The following NBAS variants were observed in gnomAD, a reference collection of about 807,000 sequenced individuals.
NBAS encodes the protein NBAS subunit of NRZ tethering complex.
Under a neutral mutation model 302.5 loss-of-function variants are expected in NBAS, and 219 were observed. The ratio of observed to expected loss-of-function variants is 0.72; its 90% CI spans 0.65 to 0.81. The LOEUF (loss-of-function observed/expected upper bound fraction) is 0.81, where lower values mean the gene tolerates loss of function less well. NBAS is among the 30% of genes least tolerant of loss of function. The pLI is 0.00. For synonymous variants in NBAS, 1,118 were observed against 1,021.6 expected (o/e 1.09, Z -1.80); for missense variants, 2,932 against 2,841.6 (o/e 1.03, Z -0.72).
At chr2:15,327,707 C>T (rs1329369070) in intron 38 of NBAS, 43 bp downstream of exon 38, 1 of 1,611,940 alleles carries the variant, frequency 6.2e-7, no homozygotes, top group South Asian at 1.1e-5. Context: ...CAATGTTCAC[C>T]TAGAGTTACA....
chr2:15,478,810 T>A (rs1450812826), intron 12 of NBAS, among the ~76,000 whole-genome samples: 1 of 152,186 alleles, frequency 6.6e-6, no homozygotes, highest in Non-Finnish European at 1.5e-5. Context: ...ATTCATACTG[T>A]AATCTTAGGG....
intron 48 of NBAS, among the ~76,000 whole-genome samples, chr2:15,193,002 T>C (rs568353704): frequency 6.6e-6 from 1 of 152,300 alleles, no homozygotes; most frequent in African/African-American, 2.4e-5. Flanking sequence ...AAATAAACTA[T>C]ATCATAAGGG....
chr2:15,449,591 C>T (rs75972988), intron 21 of NBAS, among the ~76,000 whole-genome samples: 4 of 151,684 alleles, frequency 2.6e-5, no homozygotes, highest in Admixed American at 1.3e-4. Flanking sequence ...GCCCTGAACC[C>T]TTTTTTTTCT....
the NBAS span, among the ~76,000 whole-genome samples, chr2:14,783,627 A>G: frequency 1.3e-5 from 2 of 151,622 alleles, no homozygotes; most frequent in Non-Finnish European, 2.9e-5. Flanking sequence ...AATTTCATCC[A>G]TGTCCCTACA....
the NBAS span, among the ~76,000 whole-genome samples, chr2:14,978,287 T>G: frequency 3.3e-5 from 5 of 152,330 alleles, no homozygotes; most frequent in South Asian, 1.0e-3. Context: ...TAGTATCATA[T>G]TACTTGCATT....
chr2:15,145,385 G>C, the NBAS span, among the ~76,000 whole-genome samples: 1 of 130,942 alleles, frequency 7.6e-6, no homozygotes. Flanking sequence ...GCATTGAGAT[G>C]TATGTGTTTG....
chr2:15,262,746 A>C (rs1668906797), intron 44 of NBAS, among the ~76,000 whole-genome samples: 1 of 152,168 alleles, frequency 6.6e-6, no homozygotes, highest in South Asian at 2.1e-4. Context: ...TGTTCTCCTC[A>C]TGAGAATTTT....
the NBAS span, among the ~76,000 whole-genome samples, chr2:14,959,876 ATT>A: frequency 6.6e-6 from 1 of 152,160 alleles, no homozygotes; most frequent in Non-Finnish European, 1.5e-5. Context: ...ATCAAAACAT[ATT>A]TTTTCCACAC....
chr2:15,424,062 G>A (rs1332008922), intron 23 of NBAS, among the ~76,000 whole-genome samples: 1 of 152,072 alleles, frequency 6.6e-6, no homozygotes, highest in African/African-American at 2.4e-5. Flanking sequence ...TAGAAAACAA[G>A]GGACAGTATG....
chr2:15,198,797 G>A (rs1335406653), intron 48 of NBAS, among the ~76,000 whole-genome samples: 1 of 152,192 alleles, frequency 6.6e-6, no homozygotes, highest in African/African-American at 2.4e-5. Flanking sequence ...TTGGCCCAAT[G>A]TATGTGCATA....
chr2:14,911,276 C>T, the NBAS span, among the ~76,000 whole-genome samples: 157 of 152,294 alleles, frequency 1.0e-3, 2 homozygotes, highest in Admixed American at 6.9e-3. Flanking sequence ...AGAAAATGTG[C>T]ATTTGTTTTT....
At chr2:15,297,161 G>A (rs146355595) in intron 40 of NBAS, among the ~76,000 whole-genome samples, 4 of 152,266 alleles carry the variant, frequency 2.6e-5, no homozygotes, top group African/African-American at 4.8e-5. Context: ...TCTGTTTTAC[G>A]GATGAATAAA....
At chr2:15,005,232 T>C in the NBAS span, among the ~76,000 whole-genome samples, 3 of 152,234 alleles carry the variant, frequency 2.0e-5, no homozygotes, top group African/African-American at 7.2e-5. Flanking sequence ...ACCTCTAGAA[T>C]GTATTCATCT....
chr2:15,469,430 G>A (rs569818900), intron 16 of NBAS, among the ~76,000 whole-genome samples: 10 of 152,150 alleles, frequency 6.6e-5, no homozygotes, highest in East Asian at 5.8e-4. Context: ...ACAGTGTGGC[G>A]ATTCCTCAAG....
At chr2:14,868,498 A>G in the NBAS span, among the ~76,000 whole-genome samples, 1 of 152,218 alleles carries the variant, frequency 6.6e-6, no homozygotes, top group Non-Finnish European at 1.5e-5. Flanking sequence ...TAACTGGTAC[A>G]TGGTATTACT....
chr2:15,558,121 A>G lies in NBAS; in HGVS notation c.172+459T>C, dbSNP rs1176881122. 5.3e-5 allele frequency among the ~76,000 whole-genome samples: 8 copies of G among 152,088 alleles called. No individual in the cohort carries two copies. The East Asian group carries it at 9.7e-4, about 18-fold the overall frequency. ...CCAGGGACTGGTTTTGTGGAAGACA[A>G]TTTTTCCATGCAACCTAGATCCCTC... On this transcript the variant is annotated intron_variant, in intron 2 of 51. Transcript: ENST00000281513.
intron 38 of NBAS, among the ~76,000 whole-genome samples, chr2:15,327,040 C>A (rs1672102007): frequency 6.7e-6 from 1 of 149,634 alleles, no homozygotes; most frequent in South Asian, 2.2e-4. Flanking sequence ...TTAGAGGTGG[C>A]CAGTAATACA....
At chr2:14,798,753 A>T in the NBAS span, among the ~76,000 whole-genome samples, 1 of 152,104 alleles carries the variant, frequency 6.6e-6, no homozygotes, top group Non-Finnish European at 1.5e-5. Flanking sequence ...TCTTAAAAAA[A>T]TATATATGGC....
the NBAS span, among the ~76,000 whole-genome samples, chr2:14,993,626 G>C: frequency 6.6e-6 from 1 of 152,106 alleles, no homozygotes; most frequent in Non-Finnish European, 1.5e-5. Flanking sequence ...TTCTAATTTA[G>C]AGTTGTCTAA....
Sources: allele counts gnomAD v4.1 joint callset (sites outside exome capture counted in the v4.1 genomes callset), GRCh38; gene constraint gnomAD v4.1.1; transcripts MANE v1.5; gene names NCBI Gene and HGNC (gene_info 2026-07-23, HGNC 2026-07-21).